Variants in AOPEP observed in about 807,000 individuals in gnomAD.
The protein encoded by AOPEP is aminopeptidase O.
AOPEP carries 77 observed loss-of-function variants against 98.1 expected under a neutral mutation model. The ratio of observed to expected loss-of-function variants is 0.78; its 90% CI spans 0.65 to 0.95. The LOEUF (loss-of-function observed/expected upper bound fraction) is 0.95. AOPEP is among the 40% of genes least tolerant of loss of function. The pLI is 0.00. For synonymous variants in AOPEP, 346 were observed against 365.3 expected, an observed-to-expected ratio of 0.95 and a Z score of 0.60; for missense variants, 1,024 against 1,024.7, an observed-to-expected ratio of 1.00 and a Z score of 0.01.
At chr9:94,773,323 G>A in intron 3 of AOPEP, 155 bp downstream of exon 3, 1 of 584,400 alleles carries the variant, frequency 1.7e-6, no homozygotes, top group Admixed American at 3.1e-5. Context: ...AAACAAGCAG[G>A]GGATGGGGAG....
At chr9:94,829,220 GCACA>G (rs1251321888) in intron 5 of AOPEP, among the ~76,000 whole-genome samples, 5 of 150,962 alleles carry the variant, frequency 3.3e-5, no homozygotes, top group Admixed American at 6.6e-5. Flanking sequence ...ACACGCACAC[GCACA>G]CACACACATA....
chr9:95,041,228 A>C (rs77023330), intron 13 of AOPEP, among the ~76,000 whole-genome samples: 1,795 of 152,274 alleles, frequency 0.012, 45 homozygotes, highest in African/African-American at 0.041. Context: ...TGAGTGAAAC[A>C]TTTGGGGCCA....
chr9:95,064,010 A>G (rs962084502), intron 14 of AOPEP, among the ~76,000 whole-genome samples: 1 of 152,336 alleles, frequency 6.6e-6, no homozygotes, highest in Admixed American at 6.5e-5. Flanking sequence ...CCACCCTAAG[A>G]CAGCTATACT....
rs2060141703 is a variant in AOPEP at position 94,980,900 on chromosome 9, A to T, written c.1977+1473A>T. ...CCAACCCTTTTCCTTCATGTTTCAG[A>T]TGGGAGTGCAGGTGGTGGGGGACAT... On this transcript the variant is annotated intron_variant, in intron 11 of 16. Transcript: ENST00000375315. The surrounding 1 kb of genome is among the most constrained non-coding windows in gnomAD (Gnocchi z 4.3). Among the ~76,000 whole-genome samples the T allele has an allele frequency of 6.6e-6, 1 of 152,154 alleles. No individual in the cohort carries two copies. Among genetic ancestry groups the T allele is most frequent in the South Asian group, 2.1e-4 (1 of 4,814 alleles).
intron 5 of AOPEP, among the ~76,000 whole-genome samples, chr9:94,833,618 T>C (rs1285496261): frequency 1.3e-5 from 2 of 152,158 alleles, no homozygotes; most frequent in African/African-American, 2.4e-5. Flanking sequence ...AGGAACCAAA[T>C]TGAAGTTTCT....
intron 5 of AOPEP, among the ~76,000 whole-genome samples, chr9:94,833,087 C>T (rs1049012773): frequency 6.6e-6 from 1 of 151,980 alleles, no homozygotes; most frequent in Non-Finnish European, 1.5e-5. Context: ...AGGTGCGTGC[C>T]ACCATGCCCT....
chr9:95,089,528 C>G (rs978812105), downstream of AOPEP, among the ~76,000 whole-genome samples: 10 of 152,220 alleles, frequency 6.6e-5, no homozygotes, highest in African/African-American at 2.4e-4. Flanking sequence ...TTCCTCCACG[C>G]CACAATGCCT....
At chr9:95,141,997 T>TG in the AOPEP span, among the ~76,000 whole-genome samples, 4 of 142,050 alleles carry the variant, frequency 2.8e-5, no homozygotes, top group African/African-American at 5.2e-5. Context: ...TTTTTTTTTT[T>TG]TTTTTTTTTT....
At chr9:94,734,708 C>T (rs193145028) in intron 1 of AOPEP, among the ~76,000 whole-genome samples, 1 of 152,326 alleles carries the variant, frequency 6.6e-6, no homozygotes, top group East Asian at 1.9e-4. Context: ...ATTCTTAGAG[C>T]CCAGTAGTCT....
chr9:94,824,417 A>G (rs917036795), intron 5 of AOPEP: 1 of 152,240 alleles, frequency 6.6e-6, no homozygotes, highest in African/African-American at 2.4e-5. Flanking sequence ...TTATGAATGC[A>G]GAGGTGTTTA....
chr9:94,810,346 G>A lies in AOPEP; in HGVS notation c.1364+9344G>A, dbSNP rs148776191. Among the ~76,000 whole-genome samples the A allele has an allele frequency of 7.4e-3, 1,104 of 148,558 alleles. 14 individuals are homozygous for A. The highest frequency in any genetic ancestry group is 0.027 in the African/African-American group (1,062 of 39,900). On this transcript the variant is annotated intron_variant, in intron 5 of 16. Coordinates refer to ENST00000375315, the MANE Select transcript of AOPEP (RefSeq NM_001193329.3). ...TTTTTTTTTTTTGAGACAGAGTCTC[G>A]CTCTGTCACCCAGGCTGTAGTGCAG...
chr9:95,025,767 G>A (rs2063789375), intron 13 of AOPEP, among the ~76,000 whole-genome samples: 1 of 152,160 alleles, frequency 6.6e-6, no homozygotes, highest in Non-Finnish European at 1.5e-5. Context: ...TAATTGTTCA[G>A]AGTGCCCATT....
intron 1 of AOPEP, among the ~76,000 whole-genome samples, chr9:94,728,502 G>T (rs1203332264): frequency 1.3e-5 from 2 of 152,154 alleles, no homozygotes; most frequent in Non-Finnish European, 2.9e-5. Flanking sequence ...ACTGTGCCCG[G>T]TCGAGGACAG....
intron 1 of AOPEP, among the ~76,000 whole-genome samples, chr9:94,741,935 G>A (rs1175648036): frequency 2.0e-5 from 3 of 152,164 alleles, no homozygotes; most frequent in East Asian, 1.9e-4. Flanking sequence ...GAAGGGACAC[G>A]CATACTTCCA....
chr9:95,027,182 A>G (rs1402269156), intron 13 of AOPEP, among the ~76,000 whole-genome samples: 1 of 152,198 alleles, frequency 6.6e-6, no homozygotes, highest in Non-Finnish European at 1.5e-5. Context: ...GGATCGCTTG[A>G]GCCCAGGAGT....
chr9:95,125,273 C>T, the AOPEP span: 1 of 1,063,462 alleles, frequency 9.4e-7, no homozygotes, highest in Non-Finnish European at 1.5e-6. Context: ...AAAGTAGAAA[C>T]ACTTTTTTTG....
chr9:94,976,682 G>A (rs962659009), intron 10 of AOPEP, among the ~76,000 whole-genome samples: 4 of 148,616 alleles, frequency 2.7e-5, no homozygotes, highest in Non-Finnish European at 4.5e-5. Flanking sequence ...CTTTTTGGGG[G>A]TTTGAGACAG....
rs186818042 is a variant in AOPEP at position 95,069,480 on chromosome 9, G to A, written c.2232+8670G>A. Reference sequence around the variant, plus strand: ...GGATAGCCATTCAATGAGAGTCTTAGTATGGAAGGAAGGCAAACTGTGCCA... The same window carrying A: ...GGATAGCCATTCAATGAGAGTCTTAATATGGAAGGAAGGCAAACTGTGCCA... On this transcript the variant is annotated intron_variant, in intron 14 of 16. Coordinates refer to ENST00000375315, the MANE Select transcript of AOPEP (RefSeq NM_001193329.3). 3.2e-3 allele frequency among the ~76,000 whole-genome samples: 482 copies of A among 152,224 alleles called. 5 individuals are homozygous for A. The highest frequency in any genetic ancestry group is 0.011 in the African/African-American group (457 of 41,458).
At chr9:95,144,649 TCTC>T in the AOPEP span, among the ~76,000 whole-genome samples, 2 of 152,176 alleles carry the variant, frequency 1.3e-5, no homozygotes, top group Admixed American at 1.3e-4. Flanking sequence ...GAGACCATAT[TCTC>T]CTGTGAAATA....
Sources: gnomAD v4.1 joint callset for allele counts (sites outside exome capture counted in the v4.1 genomes callset) on GRCh38, gnomAD v4.1.1 for gene constraint, Gnocchi (gnomAD v3.1) non-coding constraint, MANE v1.5 for transcripts, NCBI Gene and HGNC (gene_info 2026-07-23, HGNC 2026-07-21) for gene names.